FAM107B: variants seen among roughly 807,000 people sequenced by gnomAD.
FAM107B encodes the protein family with sequence similarity 107 member B.
In FAM107B, 21 loss-of-function variants were observed where a neutral mutation model predicts 31.5. The ratio of observed to expected loss-of-function variants is 0.67; its 90% CI spans 0.47 to 0.96. The LOEUF is 0.96. Ranked by LOEUF, FAM107B falls within the 40% of genes least tolerant of loss-of-function variation. FAM107B has a pLI of 0.00. For missense variants in FAM107B, 452 were observed against 377.1 expected (o/e 1.20, Z -1.64); for synonymous variants, 157 against 141.5 (o/e 1.11, Z -0.78).
chr10:14,591,853 GA>G, intron 2 of FAM107B, among the ~76,000 whole-genome samples: 1 of 152,142 alleles, frequency 6.6e-6, no homozygotes, highest in Admixed American at 6.5e-5. Context: ...CTAGTGGGAT[GA>G]GTTTAAAAGA....
chr10:14,655,030 G>A (rs1356916255), intron 2 of FAM107B, among the ~76,000 whole-genome samples: 1 of 152,186 alleles, frequency 6.6e-6, no homozygotes, highest in Non-Finnish European at 1.5e-5. Context: ...GGTTCTGCAG[G>A]CTGTACAAGC....
intron 2 of FAM107B, among the ~76,000 whole-genome samples, chr10:14,581,713 C>A (rs550179933): frequency 6.6e-6 from 1 of 152,184 alleles, no homozygotes; most frequent in Non-Finnish European, 1.5e-5. Context: ...ACAGCCTGGG[C>A]ACCATAGCAA....
chr10:14,673,757 G>A (rs1854613821), intron 1 of FAM107B, among the ~76,000 whole-genome samples: 2 of 152,146 alleles, frequency 1.3e-5, no homozygotes, highest in African/African-American at 2.4e-5. Context: ...CCCTTTCTCC[G>A]TATCCTTTTC....
intron 1 of FAM107B, among the ~76,000 whole-genome samples, chr10:14,754,884 C>T (rs775765667): frequency 1.3e-5 from 2 of 152,150 alleles, no homozygotes; most frequent in Non-Finnish European, 2.9e-5. Flanking sequence ...AACATCTTTC[C>T]TTTTAAAATT....
rs1344508511 is a variant in FAM107B at position 14,519,408 on chromosome 10, G to T, written c.*1782C>A. 3 of 152,038 alleles carry T rather than the reference G, an allele frequency of 2.0e-5. No homozygotes were observed. Among genetic ancestry groups the T allele is most frequent in the African/African-American group, 7.2e-5 (3 of 41,392 alleles). The allele number at this position is 152,038 out of a possible 1,614,324, so 9.4% of individuals were successfully genotyped here. ...TCCAGTCAACGTGCAATCAGAAATG[G>T]GCTTTTCAAGATCATCAGTCATCAC... On this transcript the variant is annotated 3_prime_UTR_variant, in exon 5 of 5. Coordinates refer to ENST00000181796, the MANE Select transcript of FAM107B (RefSeq NM_031453.4).
At chr10:14,532,993 G>C (rs1847195317) in intron 2 of FAM107B, among the ~76,000 whole-genome samples, 2 of 152,182 alleles carry the variant, frequency 1.3e-5, no homozygotes, top group Admixed American at 6.5e-5. Context: ...AAAGCGCGAG[G>C]CTGGCTGCAG....
At chr10:14,625,417 C>A (rs569223081) in intron 2 of FAM107B, among the ~76,000 whole-genome samples, 1 of 152,036 alleles carries the variant, frequency 6.6e-6, no homozygotes, top group Non-Finnish European at 1.5e-5. Flanking sequence ...CTCTCCAGAA[C>A]AATGAGCAGA....
At chr10:14,563,145 G>T (rs1260347945) in intron 2 of FAM107B, among the ~76,000 whole-genome samples, 1 of 152,164 alleles carries the variant, frequency 6.6e-6, no homozygotes, top group Admixed American at 6.5e-5. Flanking sequence ...ACAGATCTTT[G>T]TTACCACTCA....
intron 2 of FAM107B, among the ~76,000 whole-genome samples, chr10:14,573,788 G>A (rs1190013242): frequency 6.6e-6 from 1 of 151,966 alleles, no homozygotes; most frequent in Non-Finnish European, 1.5e-5. Flanking sequence ...CCAGTCTGTG[G>A]TATTCCACTA....
At chr10:14,579,061 C>T (rs1331136616) in intron 2 of FAM107B, among the ~76,000 whole-genome samples, 1 of 152,188 alleles carries the variant, frequency 6.6e-6, no homozygotes, top group Non-Finnish European at 1.5e-5. Context: ...CAGGAAAATT[C>T]CCGGTGACAA....
At chr10:14,592,216 C>T (rs1852043895) in intron 2 of FAM107B, among the ~76,000 whole-genome samples, 1 of 152,172 alleles carries the variant, frequency 6.6e-6, no homozygotes, top group Admixed American at 6.5e-5. Context: ...CTATGAATGG[C>T]TGGGCCACAC....
intron 2 of FAM107B, among the ~76,000 whole-genome samples, chr10:14,655,505 C>T (rs746032139): frequency 7.2e-5 from 11 of 152,190 alleles, no homozygotes; most frequent in Non-Finnish European, 1.3e-4. Flanking sequence ...CTGCAACCTC[C>T]GCCTCCCAGG....
At chr10:14,569,481 G>GGA in intron 2 of FAM107B, among the ~76,000 whole-genome samples, 1 of 152,124 alleles carries the variant, frequency 6.6e-6, no homozygotes, top group Non-Finnish European at 1.5e-5. Context: ...TCCTCCGGAA[G>GGA]CTAGACAGAC....
chr10:14,647,687 A>C (rs1477210356), intron 2 of FAM107B, among the ~76,000 whole-genome samples: 8 of 74,084 alleles, frequency 1.1e-4, no homozygotes, highest in African/African-American at 2.7e-4. Context: ...CTCCATCTCA[A>C]AAAAAAAAAA....
intron 2 of FAM107B, among the ~76,000 whole-genome samples, chr10:14,552,258 A>G (rs766209090): frequency 1.3e-5 from 2 of 152,188 alleles, no homozygotes; most frequent in Non-Finnish European, 2.9e-5. Context: ...TGTGATGACC[A>G]AAGTCCTGAA....
In FAM107B at chr10:14,774,264, C is replaced by A; in HGVS notation, c.400G>T (p.Asp134Tyr). 1 of 1,609,654 alleles carries A rather than the reference C, an allele frequency of 6.2e-7. No homozygotes were observed. The highest frequency in any genetic ancestry group is 8.5e-7 in the Non-Finnish European group (1 of 1,176,820). ...HASIPRPSII[D>Y]TPKEEEFREE... The stretch of plus-strand genomic sequence containing the variant: ...GAACACTCACTCACCTTGGGCGTGT[C>A]AATAATTGATGGTCTGGGGATGGAA... Residue 134 changes from aspartate (D) to tyrosine (Y), a missense_variant, in exon 1 of 5, where the codon GAC becomes TAC. Coordinates refer to ENST00000181796, the MANE Select transcript of FAM107B (RefSeq NM_031453.4).
chr10:14,556,491 A>T, intron 2 of FAM107B: 1 of 870,356 alleles, frequency 1.1e-6, no homozygotes, highest in Non-Finnish European at 1.4e-6. Context: ...GCCCCGACCT[A>T]ACGAGAGCTC....
At chr10:14,551,062 T>G (rs931537507) in intron 2 of FAM107B, among the ~76,000 whole-genome samples, 1 of 152,252 alleles carries the variant, frequency 6.6e-6, no homozygotes, top group African/African-American at 2.4e-5. Flanking sequence ...GATTAAGTAC[T>G]TAAAAATGTA....
chr10:14,616,129 A>T lies in FAM107B; in HGVS notation c.469+51505T>A, dbSNP rs1044539196. Among the ~76,000 whole-genome samples the T allele has an allele frequency of 1.3e-4, 20 of 152,118 alleles. 1 individual carries two copies. Among genetic ancestry groups the T allele is most frequent in the South Asian group, 6.2e-4 (3 of 4,830 alleles). On this transcript the variant is annotated intron_variant, in intron 2 of 4. Transcript: ENST00000181796. ...AGAGCCTTAAGGACAGTGGCTTTTT[A>T]AAAAAATAATAATAATATTGACCTG...
Sources: gnomAD v4.1 joint callset for allele counts (sites outside exome capture counted in the v4.1 genomes callset) on GRCh38, gnomAD v4.1.1 for gene constraint, MANE v1.5 for transcripts, NCBI Gene and HGNC (gene_info 2026-07-23, HGNC 2026-07-21) for gene names.